PARP15: variants seen among roughly 807,000 people sequenced by gnomAD.
PARP15 encodes the protein poly(ADP-ribose) polymerase family member 15.
A neutral mutation model predicts 62.1 loss-of-function variants in PARP15; 50 were observed. That is an observed-to-expected ratio of 0.81 (90% CI 0.64 to 1.02). The LOEUF (loss-of-function observed/expected upper bound fraction) is 1.02, where lower values mean the gene tolerates loss of function less well. Among genes scored for constraint, PARP15 ranks in the 50% least tolerant of loss-of-function variants. PARP15 has a pLI of 0.00. For synonymous variants in PARP15, 309 were observed against 293.1 expected, an observed-to-expected ratio of 1.05 and a Z score of -0.55; for missense variants, 820 against 826.5, an observed-to-expected ratio of 0.99 and a Z score of 0.10.
chr3:122,593,024 A>G (rs1172625263), intron 1 of PARP15, among the ~76,000 whole-genome samples: 1 of 152,084 alleles, frequency 6.6e-6, no homozygotes, highest in East Asian at 1.9e-4. Context: ...TTCAATTTGT[A>G]AATCACTTTA....
rs761178022 is a variant in PARP15 at position 122,626,809 on chromosome 3, A to T, written c.1232-18A>T. The T allele has an allele frequency of 6.2e-7, 1 of 1,604,442 alleles. No homozygotes were observed. Among genetic ancestry groups the T allele is most frequent in the South Asian group, 1.1e-5 (1 of 89,080 alleles). ...CAACATCGGGGGAAACTTCTTTGTCATTAAATTTTTTTTTCAGGAAATGCC... is the reference window on the plus strand; with the variant it reads ...CAACATCGGGGGAAACTTCTTTGTCTTTAAATTTTTTTTTCAGGAAATGCC... On this transcript the variant is annotated intron_variant, in intron 8 of 11. Coordinates refer to ENST00000464300, the MANE Select transcript of PARP15 (RefSeq NM_001113523.3).
Position 122,638,503 on chromosome 3 carries a change from G to A in PARP15, c.*2403G>A, listed in dbSNP as rs963689390. 2.0e-5 allele frequency: 3 copies of A among 152,178 alleles called. No individual in the cohort carries two copies. The highest frequency in any genetic ancestry group is 2.9e-5 in the Non-Finnish European group (2 of 68,042). The allele number at this position is 152,178 out of a possible 1,614,324, so 9.4% of individuals were successfully genotyped here. A position where few individuals can be genotyped will look rare whatever the true frequency, so the allele number is the denominator to read the frequency against. On this transcript the variant is annotated 3_prime_UTR_variant, in exon 12 of 12. Transcript: ENST00000464300. ...TAATGATTGCCATTCTAACGGGTGT[G>A]GGATGGTATCTCATTGTTGTTTTGA...
intron 8 of PARP15, among the ~76,000 whole-genome samples, chr3:122,623,109 TAATGA>T (rs1936458324): frequency 6.6e-6 from 1 of 152,156 alleles, no homozygotes; most frequent in Admixed American, 6.5e-5. Flanking sequence ...CTATCGGCGG[TAATGA>T]GGCCAATAGG....
At chr3:122,612,975 C>A (rs1213098620) in intron 3 of PARP15, 66 bp from the exon 4 acceptor site, 3 of 1,375,716 alleles carry the variant, frequency 2.2e-6, no homozygotes, top group African/African-American at 2.9e-5. Flanking sequence ...TTGCTGGGAC[C>A]ACAACTCTTT....
rs142338143 is a variant in PARP15 at position 122,606,288 on chromosome 3, GT to G, written c.306+236del. Reference sequence around the variant, plus strand: ...GGTTCAAGTTTAACCACAAACAAGAGTTTGCAAATCTATCTCTTTTATTTCT... The same window carrying G: ...GGTTCAAGTTTAACCACAAACAAGAGTTGCAAATCTATCTCTTTTATTTCT... On this transcript the variant is annotated intron_variant, in intron 2 of 11. Transcript: ENST00000464300. 8.4e-3 allele frequency among the ~76,000 whole-genome samples: 1,281 copies of G among 152,276 alleles called. 14 individuals are homozygous for G. Among genetic ancestry groups the G allele is most frequent in the African/African-American group, 0.03 (1,238 of 41,524 alleles).
chr3:122,611,616 G>A (rs996127390), intron 3 of PARP15, among the ~76,000 whole-genome samples: 6 of 152,304 alleles, frequency 3.9e-5, no homozygotes, highest in South Asian at 2.1e-4. Flanking sequence ...TGGGATTACA[G>A]GCATGAGCTA....
At chr3:122,616,955 G>C in intron 5 of PARP15, 60 bp from the exon 6 acceptor site, 1 of 1,566,388 alleles carries the variant, frequency 6.4e-7, no homozygotes, top group Non-Finnish European at 8.7e-7. Context: ...GCCCCAAGAT[G>C]AGTGCTGTTC....
chr3:122,601,782 G>A (rs1934816238), intron 1 of PARP15, among the ~76,000 whole-genome samples: 1 of 152,098 alleles, frequency 6.6e-6, no homozygotes, highest in African/African-American at 2.4e-5. Flanking sequence ...AATTTATTTG[G>A]GTAAATACCA....
intron 8 of PARP15, among the ~76,000 whole-genome samples, chr3:122,624,547 A>G (rs1936567371): frequency 6.6e-6 from 1 of 152,218 alleles, no homozygotes; most frequent in Non-Finnish European, 1.5e-5. Flanking sequence ...CTTCACTTGC[A>G]CAGGCTTTTT....
intron 1 of PARP15, among the ~76,000 whole-genome samples, chr3:122,582,719 T>G (rs1355855153): frequency 6.6e-6 from 1 of 152,172 alleles, no homozygotes; most frequent in Non-Finnish European, 1.5e-5. Context: ...AAATTTGAAT[T>G]TTTTTGGCTA....
intron 1 of PARP15, among the ~76,000 whole-genome samples, chr3:122,592,135 G>T (rs1256174144): frequency 6.6e-6 from 1 of 152,180 alleles, no homozygotes; most frequent in African/African-American, 2.4e-5. Context: ...AAAGATACAT[G>T]CATACATATG....
intron 9 of PARP15, among the ~76,000 whole-genome samples, chr3:122,630,920 A>G (rs1937025569): frequency 6.6e-6 from 1 of 152,126 alleles, no homozygotes; most frequent in African/African-American, 2.4e-5. Flanking sequence ...ACTCACCCAG[A>G]AGTGGTGTTA....
chr3:122,621,304 A>G, intron 7 of PARP15, 140 bp from the exon 8 acceptor site: 1 of 821,740 alleles, frequency 1.2e-6, no homozygotes, highest in Non-Finnish European at 1.9e-6. Context: ...GTCACAGTCC[A>G]GTGAATGAAA....
chr3:122,636,143 G>A lies in PARP15; in HGVS notation c.*43G>A. ...AAGAGATGATTTAAGTCATCTGTAAGAACAACATGCAATCTTTGTCTTTGC... is the reference window on the plus strand; with the variant it reads ...AAGAGATGATTTAAGTCATCTGTAAAAACAACATGCAATCTTTGTCTTTGC... On this transcript the variant is annotated 3_prime_UTR_variant, in exon 12 of 12. Coordinates refer to ENST00000464300, the MANE Select transcript of PARP15 (RefSeq NM_001113523.3). 1 of 1,546,724 alleles carries A rather than the reference G, an allele frequency of 6.5e-7. No individual in the cohort carries two copies. The highest frequency in any genetic ancestry group is 8.8e-7 in the Non-Finnish European group (1 of 1,133,822).
chr3:122,610,486 T>C lies in PARP15; in HGVS notation c.307-8T>C. 1 of 1,545,878 alleles carries C rather than the reference T, an allele frequency of 6.5e-7. No individual in the cohort carries two copies. The highest frequency in any genetic ancestry group is 8.7e-7 in the Non-Finnish European group (1 of 1,144,420). ...ATTCAATCTCTAACTGTTGCTATTT[T>C]CGTTAAGGCCGATGTCATTGTCAAC... On this transcript the variant is annotated splice_polypyrimidine_tract_variant and splice_region_variant and intron_variant, in intron 2 of 11. Transcript: ENST00000464300.
At chr3:122,615,641 A>G in intron 4 of PARP15, 138 bp from the exon 5 acceptor site, 1 of 1,530,222 alleles carries the variant, frequency 6.5e-7, no homozygotes. Flanking sequence ...CAATCCTTTA[A>G]GAAGTCTCTG....
intron 1 of PARP15, among the ~76,000 whole-genome samples, chr3:122,601,034 T>TG (rs1934746195): frequency 7.1e-6 from 1 of 141,278 alleles, no homozygotes; most frequent in Non-Finnish European, 1.5e-5. Flanking sequence ...TTGTCTTTTA[T>TG]GGTTTTTTTT....
intron 1 of PARP15, among the ~76,000 whole-genome samples, chr3:122,583,417 A>G (rs1933129412): frequency 6.6e-6 from 1 of 151,908 alleles, no homozygotes; most frequent in Non-Finnish European, 1.5e-5. Flanking sequence ...GTGAGCCACC[A>G]AGCACAGTCT....
At chr3:122,581,566 A>G (rs542532830) in intron 1 of PARP15, among the ~76,000 whole-genome samples, 8 of 152,154 alleles carry the variant, frequency 5.3e-5, no homozygotes, top group Non-Finnish European at 8.8e-5. Context: ...ATGTCTATTC[A>G]AGTCCTTGGC....
Sources: allele counts gnomAD v4.1 joint callset (sites outside exome capture counted in the v4.1 genomes callset), GRCh38; gene constraint gnomAD v4.1.1; transcripts MANE v1.5; gene names NCBI Gene and HGNC (gene_info 2026-07-23, HGNC 2026-07-21).